PRKCH: variants seen among roughly 807,000 people sequenced by gnomAD.
PRKCH encodes protein kinase C eta.
PRKCH carries 28 observed loss-of-function variants against 82.5 expected under a neutral mutation model. That is an observed-to-expected ratio of 0.34 (90% CI 0.25 to 0.47). The LOEUF is 0.47. Ranked by LOEUF, PRKCH falls within the 20% of genes least tolerant of loss-of-function variation. The pLI, the probability that PRKCH is intolerant of heterozygous loss-of-function variation, is 1.00. For missense variants in PRKCH, 705 were observed against 881.8 expected (o/e 0.80, Z 2.54); for synonymous variants, 322 against 327.4 (o/e 0.98, Z 0.18).
rs746122927 is a variant in PRKCH at position 61,322,446 on chromosome 14, G to A, written c.345G>A (p.Ser115=). 2.5e-6 allele frequency: 4 copies of A among 1,596,668 alleles called. No individual in the cohort carries two copies. The highest frequency in any genetic ancestry group is 3.4e-6 in the Non-Finnish European group (4 of 1,166,346). ...AGCTGCTGCGCACGACCGGCGCCTC[G>A]GACACCTTCGAGGGTTGGGTGAGTA... ...FQELLRTTGA[S]DTFEGWVDLE... is the part of the protein sequence containing the mutation. The change falls in exon 1 of 14, where the codon TCG becomes TCA. Residue 115 remains serine, a synonymous_variant. Coordinates refer to ENST00000332981, the MANE Select transcript of PRKCH (RefSeq NM_006255.5).
chr14:61,194,140 A>G (rs1285674531), intron 1 of PRKCH, among the ~76,000 whole-genome samples: 1 of 152,112 alleles, frequency 6.6e-6, no homozygotes, highest in Non-Finnish European at 1.5e-5. Context: ...TTGTTGTTAT[A>G]TATTCTTTAG....
chr14:61,395,297 C>CCA (rs1426206457), intron 2 of PRKCH, among the ~76,000 whole-genome samples: 7 of 147,190 alleles, frequency 4.8e-5, no homozygotes, highest in African/African-American at 7.4e-5. Context: ...GGAGCCCCCC[C>CCA]CCGCATTTGC....
intron 1 of PRKCH, among the ~76,000 whole-genome samples, chr14:61,282,709 A>G (rs1422645409): frequency 6.6e-6 from 1 of 152,192 alleles, no homozygotes; most frequent in Non-Finnish European, 1.5e-5. Context: ...CATTAAAATT[A>G]AAAAGTAATA....
At chr14:61,232,538 A>G (rs747894264) in intron 1 of PRKCH, among the ~76,000 whole-genome samples, 1 of 152,220 alleles carries the variant, frequency 6.6e-6, no homozygotes, top group Non-Finnish European at 1.5e-5. Context: ...TTTAAATGAT[A>G]CAAATGAACA....
intron 1 of PRKCH, among the ~76,000 whole-genome samples, chr14:61,348,762 C>T (rs1237614733): frequency 6.6e-6 from 1 of 152,222 alleles, no homozygotes; most frequent in Non-Finnish European, 1.5e-5. Context: ...CTTTCCACCC[C>T]CACTATTTTA....
intron 12 of PRKCH, chr14:61,538,012 T>G (rs572105733): frequency 7.2e-5 from 11 of 152,358 alleles, no homozygotes; most frequent in South Asian, 2.1e-4. Flanking sequence ...GAGCATTGAC[T>G]GTCTTCCTGT....
intron 1 of PRKCH, among the ~76,000 whole-genome samples, chr14:61,210,699 T>A (rs184943759): frequency 1.3e-5 from 2 of 151,792 alleles, no homozygotes; most frequent in East Asian, 3.9e-4. Flanking sequence ...GTGAACATCA[T>A]TGGAATAAAT....
chr14:61,299,625 A>G (rs2045434472), intron 1 of PRKCH: 1 of 152,230 alleles, frequency 6.6e-6, no homozygotes, highest in Non-Finnish European at 1.5e-5. Context: ...TGCCCTGCTC[A>G]TACCTGATTA....
chr14:61,248,520 G>A (rs1048435782), intron 1 of PRKCH, among the ~76,000 whole-genome samples: 4 of 152,088 alleles, frequency 2.6e-5, no homozygotes, highest in African/African-American at 7.2e-5. Flanking sequence ...TACCAGCACC[G>A]TAACTATCAA....
At chr14:61,378,826 C>T (rs929131024) in intron 1 of PRKCH, among the ~76,000 whole-genome samples, 3 of 152,204 alleles carry the variant, frequency 2.0e-5, no homozygotes, top group Non-Finnish European at 2.9e-5. Context: ...ATGTCTTTCT[C>T]CTATCTGCCC....
intron 1 of PRKCH, among the ~76,000 whole-genome samples, chr14:61,356,752 G>C (rs1400225351): frequency 6.6e-6 from 1 of 152,218 alleles, no homozygotes; most frequent in Non-Finnish European, 1.5e-5. Flanking sequence ...CATGATCTCA[G>C]CTCACTGAAA....
chr14:61,263,498 A>G (rs538871105), intron 1 of PRKCH, among the ~76,000 whole-genome samples: 1 of 152,320 alleles, frequency 6.6e-6, no homozygotes, highest in Non-Finnish European at 1.5e-5. Flanking sequence ...GTTGATTAAT[A>G]TGCCTAAGGA....
intron 1 of PRKCH, among the ~76,000 whole-genome samples, chr14:61,200,003 C>T (rs142693134): frequency 2.7e-4 from 41 of 152,264 alleles, no homozygotes; most frequent in African/African-American, 8.7e-4. Flanking sequence ...GTAATCATTG[C>T]ATATCTGGTA....
At chr14:61,321,391 C>T (rs1316526868), upstream of PRKCH, among the ~76,000 whole-genome samples, 1 of 152,236 alleles carries the variant, frequency 6.6e-6, no homozygotes, top group Non-Finnish European at 1.5e-5. The surrounding 1 kb of genome is among the most constrained non-coding windows in gnomAD (Gnocchi z 4.1). Flanking sequence ...TTGGCCTGCG[C>T]CCGGGGTGGC....
At chr14:61,455,624 T>C (rs1313091197) in intron 7 of PRKCH, among the ~76,000 whole-genome samples, 2 of 152,230 alleles carry the variant, frequency 1.3e-5, no homozygotes, top group East Asian at 3.8e-4. Context: ...GAACTAGGGC[T>C]TCTGAGATAC....
At chr14:61,504,627 G>A (rs1384083601) in intron 10 of PRKCH, among the ~76,000 whole-genome samples, 1 of 152,180 alleles carries the variant, frequency 6.6e-6, no homozygotes, top group African/African-American at 2.4e-5. Flanking sequence ...CCCTCTGTAG[G>A]AGGGGAATTT....
chr14:61,266,359 A>G (rs955901019), intron 1 of PRKCH, among the ~76,000 whole-genome samples: 1 of 152,220 alleles, frequency 6.6e-6, no homozygotes, highest in African/African-American at 2.4e-5. Context: ...CAGAGGTTGC[A>G]GTGAGCTGAG....
intron 4 of PRKCH, among the ~76,000 whole-genome samples, chr14:61,447,452 G>A (rs189193264): frequency 2.6e-5 from 4 of 152,182 alleles, no homozygotes; most frequent in Non-Finnish European, 4.4e-5. Context: ...TGAAATTGAC[G>A]TTTATAGAAT....
At chr14:61,517,111 G>A (rs1315270343) in intron 10 of PRKCH, among the ~76,000 whole-genome samples, 2 of 152,136 alleles carry the variant, frequency 1.3e-5, no homozygotes, top group Admixed American at 6.5e-5. Context: ...CTCTGATACT[G>A]TGTAAGGCAT....
Sources: gnomAD v4.1 joint callset for allele counts (sites outside exome capture counted in the v4.1 genomes callset) on GRCh38, gnomAD v4.1.1 for gene constraint, Gnocchi (gnomAD v3.1) non-coding constraint, MANE v1.5 for transcripts, NCBI Gene and HGNC (gene_info 2026-07-23, HGNC 2026-07-21) for gene names.